DUXB: variants seen among roughly 807,000 people sequenced by gnomAD.
DUXB encodes the protein double homeobox B, also known as double homeobox protein B.
Under a neutral mutation model 8.9 loss-of-function variants are expected in DUXB, and 22 were observed. The observed-to-expected ratio is 2.46, with a 90% CI of 1.76 to 3.52. The LOEUF (loss-of-function observed/expected upper bound fraction) is 3.52. Ranked by LOEUF, DUXB falls within the 30% of genes most tolerant of loss-of-function variation. The pLI is 0.00. For missense variants in DUXB, 237 were observed against 108.7 expected, an observed-to-expected ratio of 2.18 and a Z score of -5.25; for synonymous variants, 84 against 37.6, an observed-to-expected ratio of 2.23 and a Z score of -4.52.
In DUXB at chr16:75,697,048, A is replaced by G. The variant is rs549050056; in HGVS notation, c.181-105T>C. On this transcript the variant is annotated intron_variant, in intron 2 of 4. Transcript: ENST00000633875. ...ACTGATTTGACTGCCTGTGGCTGGA[A>G]TAATGCCCACAAGAGAAAGGCAATC... 9.4e-4 allele frequency: 593 copies of G among 632,120 alleles called. 2 individuals carry two copies. Among genetic ancestry groups the G allele is most frequent in the Non-Finnish European group, 1.5e-3 (529 of 354,000 alleles). The allele number at this position is 632,120 out of a possible 1,614,324, so 39.2% of individuals were successfully genotyped here.
At chr16:75,697,194 T>C (rs529539514) in intron 2 of DUXB, among the ~76,000 whole-genome samples, 2 of 152,302 alleles carry the variant, frequency 1.3e-5, no homozygotes, top group African/African-American at 4.8e-5. Context: ...GTAAATTTGT[T>C]TGATTTAGGA....
At position 75,694,228 on chromosome 16, in the gene DUXB, C is replaced by G; in HGVS notation, c.739G>C (p.Glu247Gln). The change falls in exon 5 of 5, where the codon GAG becomes CAG. Residue 247 changes from glutamate to glutamine, a missense_variant. Physicochemically the swap from Glu to Gln is conservative, Grantham distance 29 (BLOSUM62 2). Coordinates refer to ENST00000633875, the MANE Select transcript of DUXB (RefSeq NM_001351307.2). ...ATTATCAGAGGCTGATCAGACTTCTCTCCTTCCTGCACAGCCTGTGTGGGC... is the reference window on the plus strand; with the variant it reads ...ATTATCAGAGGCTGATCAGACTTCTGTCCTTCCTGCACAGCCTGTGTGGGC... The part of the protein sequence containing the change: ...MQPTQAVQEG[E>Q]KSDQPLIIPN... 1.9e-6 allele frequency: 1 copy of G among 530,590 alleles called. No homozygotes were observed. Among genetic ancestry groups the G allele is most frequent in the Non-Finnish European group, 3.3e-6 (1 of 303,850 alleles). The allele number at this position is 530,590 out of a possible 1,614,324, so 32.9% of individuals were successfully genotyped here.
intron 2 of DUXB, among the ~76,000 whole-genome samples, chr16:75,697,563 A>G (rs1317157004): frequency 1.3e-5 from 2 of 152,246 alleles, no homozygotes; most frequent in African/African-American, 4.8e-5. Context: ...TACTAGAGTC[A>G]GAATTGCAAT....
intron 1 of DUXB, among the ~76,000 whole-genome samples, chr16:75,700,373 A>G (rs554542867): frequency 8.6e-5 from 13 of 151,996 alleles, no homozygotes; most frequent in Non-Finnish European, 1.6e-4. Flanking sequence ...AGCTGGGACT[A>G]CAGGTATGCA....
chr16:75,699,852 C>T (rs1383475611), intron 2 of DUXB, among the ~76,000 whole-genome samples, 163 bp downstream of exon 2: 3 of 152,166 alleles, frequency 2.0e-5, no homozygotes, highest in East Asian at 1.9e-4. Flanking sequence ...TGAGCCACCG[C>T]GCCCAGCCTT....
At chr16:75,700,986 A>G (rs2151834675) in intron 1 of DUXB, among the ~76,000 whole-genome samples, 1 of 152,300 alleles carries the variant, frequency 6.6e-6, no homozygotes, top group South Asian at 2.1e-4. Flanking sequence ...GAGGAGGAAA[A>G]TTAACAAAAA....
At chr16:75,695,724 C>A (rs566337012) in intron 4 of DUXB, among the ~76,000 whole-genome samples, 1 of 152,314 alleles carries the variant, frequency 6.6e-6, no homozygotes, top group East Asian at 1.9e-4. Flanking sequence ...TGTAGAAAAT[C>A]TAACAATGTT....
chr16:75,701,423 G>T lies in DUXB; in HGVS notation c.-5C>A. ...TGAAGTGCCCTCCAAATTCATCTTG[G>T]GCAGAAGACCTGGACTCCACGGAGA... is the stretch of plus-strand genomic sequence containing the variant. On this transcript the variant is annotated 5_prime_UTR_variant, in exon 1 of 5. Coordinates refer to ENST00000633875, the MANE Select transcript of DUXB (RefSeq NM_001351307.2). The T allele has an allele frequency of 2.5e-6, 1 of 398,566 alleles. No individual in the cohort carries two copies. Among genetic ancestry groups the T allele is most frequent in the East Asian group, 3.6e-5 (1 of 28,070 alleles). The allele number at this position is 398,566 out of a possible 1,614,324, so 24.7% of individuals were successfully genotyped here. A position where few individuals can be genotyped will look rare whatever the true frequency, so the allele number is the denominator to read the frequency against.
rs549345906 is a variant in DUXB at position 75,699,934 on chromosome 16, G to C, written c.180+81C>G. 8.6e-6 allele frequency: 5 copies of C among 578,560 alleles called. No homozygotes were observed. The African/African-American group carries it at 9.5e-5, about 11-fold the overall frequency. 35.8% of individuals were successfully genotyped at this position (578,560 alleles called of 1,614,324 possible). On this transcript the variant is annotated intron_variant, in intron 2 of 4. Coordinates refer to ENST00000633875, the MANE Select transcript of DUXB (RefSeq NM_001351307.2). ...AAATACCTGATATAACCTGATATAA[G>C]AGAATTGGCAAAAGCGCTGGGCCTA...
At chr16:75,699,045 T>C (rs1212858014) in intron 2 of DUXB, among the ~76,000 whole-genome samples, 3 of 152,136 alleles carry the variant, frequency 2.0e-5, no homozygotes, top group Non-Finnish European at 4.4e-5. Context: ...GGGGTTTTAC[T>C]GTGTTGTCCA....
chr16:75,694,456 C>G lies in DUXB; in HGVS notation c.511G>C (p.Asp171His). 1.4e-6 allele frequency: 1 copy of G among 703,002 alleles called. No individual in the cohort carries two copies. 43.5% of individuals were successfully genotyped at this position (703,002 alleles called of 1,614,324 possible). The change falls in exon 5 of 5, where the codon GAC becomes CAC. Residue 171 changes from aspartate (D) to histidine (H), a missense_variant. By Grantham distance (81) the Asp-to-His change is moderately conservative. Transcript: ENST00000633875. ...SRMEPMNLLV[D>H]DPNERPDATV... is the part of the protein sequence containing the mutation. ...GCATCTGGTCTCTCATTTGGGTCGT[C>G]TACCAATAAATTCATGGGCTCCATT...
chr16:75,700,159 T>A lies in DUXB; in HGVS notation c.36A>T (p.Gln12His), dbSNP rs941966556. Residue 12 changes from glutamine (Q) to histidine (H), a missense_variant, in exon 2 of 5, where the codon CAA becomes CAT. Coordinates refer to ENST00000633875, the MANE Select transcript of DUXB (RefSeq NM_001351307.2). Reference protein sequence around the residue: ...NLEGTSGGILQKEFWRNRIQY... With the variant: ...NLEGTSGGILHKEFWRNRIQY... ...GAATTCTGTTTCTCCAGAATTCTTT[T>A]TGAAGTATGCCTGATGAACAGAAAA... 2.8e-6 allele frequency: 2 copies of A among 702,008 alleles called. No homozygotes were observed. The highest frequency in any genetic ancestry group is 1.7e-5 in the African/African-American group (1 of 57,228). The allele number at this position is 702,008 out of a possible 1,614,324, so 43.5% of individuals were successfully genotyped here.
At chr16:75,696,687 C>T in intron 3 of DUXB, 151 bp downstream of exon 3, 1 of 580,322 alleles carries the variant, frequency 1.7e-6, no homozygotes, top group Non-Finnish European at 3.0e-6. Flanking sequence ...CTATAACAAA[C>T]TTACTTTCAC....
In DUXB at chr16:75,699,651, C is replaced by T. The variant is rs567384016; in HGVS notation, c.180+364G>A. ...CTCTGCTCACTGCAAGCTCCCCTCC[C>T]GGGTTCACGCCATTCTCCTGCCTCA... is the stretch of plus-strand genomic sequence containing the variant. On this transcript the variant is annotated intron_variant, in intron 2 of 4. Transcript: ENST00000633875. Among the ~76,000 whole-genome samples the T allele has an allele frequency of 5.8e-3, 778 of 134,368 alleles. 6 individuals carry two copies. The highest frequency in any genetic ancestry group is 0.022 in the African/African-American group (732 of 32,560). The allele number at this position is 134,368 out of a possible 152,430, so 88.2% of individuals were successfully genotyped here. A position where few individuals can be genotyped will look rare whatever the true frequency, so the allele number is the denominator to read the frequency against.
intron 2 of DUXB, among the ~76,000 whole-genome samples, chr16:75,699,727 T>G (rs1054139253): frequency 6.6e-6 from 1 of 151,414 alleles, no homozygotes; most frequent in Non-Finnish European, 1.5e-5. Context: ...CCCGGCTAAT[T>G]TTTTTTTGTA....
At chr16:75,697,712 C>T (rs1356923700) in intron 2 of DUXB, among the ~76,000 whole-genome samples, 1 of 152,176 alleles carries the variant, frequency 6.6e-6, no homozygotes, top group Admixed American at 6.5e-5. Context: ...CGTCCTCAAC[C>T]CCCGGGCCAC....
chr16:75,701,382 A>T lies in DUXB; in HGVS notation c.25+12T>A. ...ATCCCAAAGAACAGAGAAAAGGCTG[A>T]TGGGAACTTACCACCTGAAGTGCCC... is the stretch of plus-strand genomic sequence containing the variant. On this transcript the variant is annotated intron_variant, in intron 1 of 4. Coordinates refer to ENST00000633875, the MANE Select transcript of DUXB (RefSeq NM_001351307.2). 1 of 398,682 alleles carries T rather than the reference A, an allele frequency of 2.5e-6. No homozygotes were observed. Among genetic ancestry groups the T allele is most frequent in the Non-Finnish European group, 4.4e-6 (1 of 226,086 alleles). 24.7% of individuals were successfully genotyped at this position (398,682 alleles called of 1,614,324 possible).
At chr16:75,695,455 C>T (rs2082598140) in intron 4 of DUXB, among the ~76,000 whole-genome samples, 1 of 152,212 alleles carries the variant, frequency 6.6e-6, no homozygotes, top group African/African-American at 2.4e-5. Context: ...GAGCACTTAA[C>T]ATACGCTAAA....
At chr16:75,698,563 G>GA in intron 2 of DUXB, 1 of 152,110 alleles carries the variant, frequency 6.6e-6, no homozygotes, top group Non-Finnish European at 1.5e-5. Flanking sequence ...GTCCAGGTTG[G>GA]AGTGCAGTGG....
Sources: gnomAD v4.1 joint callset for allele counts (sites outside exome capture counted in the v4.1 genomes callset) on GRCh38, gnomAD v4.1.1 for gene constraint, MANE v1.5 for transcripts, NCBI Gene and HGNC (gene_info 2026-07-23, HGNC 2026-07-21) for gene names.